The following NAV3 variants were observed in gnomAD, a reference collection of about 807,000 sequenced individuals.
The protein encoded by NAV3 is pore membrane and/or filament interacting like protein 1.
Under a neutral mutation model 244.7 loss-of-function variants are expected in NAV3, and 87 were observed. The observed-to-expected ratio is 0.36, with a 90% CI of 0.30 to 0.42. The LOEUF is 0.42. NAV3 is among the 20% of genes least tolerant of loss of function. NAV3 has a pLI of 1.00. For missense variants in NAV3, 2,663 were observed against 2,893.3 expected (o/e 0.92, Z 1.83); for synonymous variants, 1,126 against 1,042.2 (o/e 1.08, Z -1.55).
intron 2 of NAV3, among the ~76,000 whole-genome samples, chr12:77,621,475 C>CCTT (rs1565740502): frequency 3.5e-5 from 5 of 142,024 alleles, no homozygotes; most frequent in African/African-American, 1.4e-4. Flanking sequence ...TTTTTCTCTT[C>CCTT]TCTTTTTTTT....
At chr12:78,207,915 T>G (rs1222744673) in intron 39 of NAV3, among the ~76,000 whole-genome samples, 2 of 152,168 alleles carry the variant, frequency 1.3e-5, no homozygotes, top group Non-Finnish European at 2.9e-5. Flanking sequence ...GGATGGAATC[T>G]GGAAGCTTAG....
At chr12:77,761,087 T>G (rs903020706) in intron 2 of NAV3, among the ~76,000 whole-genome samples, 3 of 152,300 alleles carry the variant, frequency 2.0e-5, no homozygotes, top group East Asian at 1.9e-4. Context: ...AGATGGAGTC[T>G]CATGCCATCA....
chr12:77,588,536 C>T (rs1392417983), intron 2 of NAV3, among the ~76,000 whole-genome samples: 1 of 152,110 alleles, frequency 6.6e-6, no homozygotes, highest in African/African-American at 2.4e-5. Flanking sequence ...CACACCACAC[C>T]TGATGTTGCA....
chr12:77,918,052 C>A (rs183290281), intron 1 of NAV3, among the ~76,000 whole-genome samples: 1 of 152,050 alleles, frequency 6.6e-6, no homozygotes, highest in East Asian at 1.9e-4. Context: ...TTAAAAAAGT[C>A]CAAATTGAAT....
At chr12:77,787,531 A>G (rs1199755146) in intron 2 of NAV3, among the ~76,000 whole-genome samples, 28 of 152,158 alleles carry the variant, frequency 1.8e-4, no homozygotes, top group Admixed American at 1.8e-3. Context: ...TGAGTGCTGA[A>G]CAAAGGGGGA....
At chr12:77,962,800 G>C (rs1369291159) in intron 3 of NAV3, among the ~76,000 whole-genome samples, 1 of 152,108 alleles carries the variant, frequency 6.6e-6, no homozygotes, top group Non-Finnish European at 1.5e-5. Flanking sequence ...CAGTGCACTA[G>C]GAAGCATCAC....
intron 2 of NAV3, among the ~76,000 whole-genome samples, chr12:77,632,483 A>T (rs774828064): frequency 6.6e-6 from 1 of 152,060 alleles, no homozygotes; most frequent in Non-Finnish European, 1.5e-5. Context: ...TCTTTATAAA[A>T]CCATCAGATC....
At chr12:77,859,024 C>T (rs1878807905) in intron 1 of NAV3, among the ~76,000 whole-genome samples, 1 of 152,022 alleles carries the variant, frequency 6.6e-6, no homozygotes, top group South Asian at 2.1e-4. Flanking sequence ...TTCTAATTTA[C>T]TTTCACTGCA....
chr12:77,743,417 C>A (rs1868380044), intron 2 of NAV3, among the ~76,000 whole-genome samples: 1 of 151,640 alleles, frequency 6.6e-6, no homozygotes, highest in Admixed American at 6.6e-5. Context: ...AAACATATAC[C>A]TACATATGAC....
intron 2 of NAV3, among the ~76,000 whole-genome samples, chr12:77,752,920 G>T (rs1868935364): frequency 6.6e-6 from 1 of 152,078 alleles, no homozygotes; most frequent in Admixed American, 6.6e-5. Context: ...CAGGCTTTGG[G>T]CATTCTGGGT....
rs1872734467 is a variant in NAV3 at position 77,998,568 on chromosome 12, G to C, written c.880+92G>C. ...AATATTTGAGCAGCGTAACAACTTTGGGCCTAGAGATGTTATCAGTGGAGT... is the reference window on the plus strand; with the variant it reads ...AATATTTGAGCAGCGTAACAACTTTCGGCCTAGAGATGTTATCAGTGGAGT... On this transcript the variant is annotated intron_variant, in intron 7 of 39. Transcript: ENST00000397909. 3 of 1,378,900 alleles carry C rather than the reference G, an allele frequency of 2.2e-6. No homozygotes were observed. The East Asian group carries it at 7.5e-5, about 34-fold the overall frequency. 85.4% of individuals were successfully genotyped at this position (1,378,900 alleles called of 1,614,324 possible).
intron 38 of NAV3, among the ~76,000 whole-genome samples, chr12:78,204,220 G>A (rs938251343): frequency 1.3e-5 from 2 of 151,930 alleles, no homozygotes; most frequent in Non-Finnish European, 2.9e-5. Flanking sequence ...GGGGCGGAGG[G>A]GGGAGGGATA....
intron 5 of NAV3, among the ~76,000 whole-genome samples, chr12:77,971,416 G>A (rs938546820): frequency 2.6e-5 from 4 of 151,942 alleles, no homozygotes; most frequent in African/African-American, 9.7e-5. Flanking sequence ...CTTACTTTTA[G>A]AGAATTTTTA....
intron 1 of NAV3, among the ~76,000 whole-genome samples, chr12:77,934,709 C>T (rs1251268952): frequency 6.6e-6 from 1 of 152,166 alleles, no homozygotes; most frequent in African/African-American, 2.4e-5. Context: ...TGGTCTTCAA[C>T]ACAATTCCTG....
chr12:77,907,535 G>A (rs941812995), intron 1 of NAV3, among the ~76,000 whole-genome samples: 2 of 151,982 alleles, frequency 1.3e-5, no homozygotes, highest in African/African-American at 4.8e-5. Flanking sequence ...TCACATGAAT[G>A]GAAAAATGCA....
intron 12 of NAV3, among the ~76,000 whole-genome samples, chr12:78,068,597 TTA>T (rs1056723943): frequency 1.4e-5 from 2 of 147,414 alleles, no homozygotes; most frequent in African/African-American, 4.9e-5. Context: ...TTTTGTTCTT[TTA>T]TATATATTAT....
rs1303357805 is a variant in NAV3 at position 78,118,088 on chromosome 12, T to A, written c.2831T>A (p.Leu944Gln). The A allele has an allele frequency of 6.2e-7, 1 of 1,614,030 alleles. No individual in the cohort carries two copies. Among genetic ancestry groups the A allele is most frequent in the Non-Finnish European group, 8.5e-7 (1 of 1,179,982 alleles). Residue 944 changes from leucine to glutamine, a missense_variant, in exon 14 of 40, where the codon CTG becomes CAG. By Grantham distance (113) the Leu-to-Gln change is moderately radical (BLOSUM62 -2). Transcript: ENST00000397909. ...TDETWDSPEE[L>Q]KKPEEDFDSH... The stretch of plus-strand genomic sequence containing the variant: ...GAGACCTGGGATAGTCCTGAGGAAC[T>A]GAAAAAACCAGAAGAAGATTTTGAC...
In NAV3 at chr12:78,007,288, G is replaced by A. The variant is rs1566013132; in HGVS notation, c.1750G>A (p.Glu584Lys). The A allele has an allele frequency of 2.5e-6, 4 of 1,614,164 alleles. No individual in the cohort carries two copies. Among genetic ancestry groups the A allele is most frequent in the Non-Finnish European group, 3.4e-6 (4 of 1,180,020 alleles). The change falls in exon 8 of 40, where the codon GAA (glutamate) becomes AAA (lysine). Residue 584 changes from glutamate (E) to lysine (K), a missense_variant. Around this residue, in one of 6 missense-constraint regions of NAV3, gnomAD observed 1,521 missense variants for 1,497.0 expected, o/e 1.02. Coordinates refer to ENST00000397909, the MANE Select transcript of NAV3 (RefSeq NM_001024383.2). The part of the protein sequence containing the change: ...ASASSCPAPL[E>K]GREAGQASPS... ...TGCTTCTAGTTGTCCTGCCCCTTTGGAAGGAAGGGAAGCTGGCCAAGCTTC... is the reference window on the plus strand; with the variant it reads ...TGCTTCTAGTTGTCCTGCCCCTTTGAAAGGAAGGGAAGCTGGCCAAGCTTC...
At chr12:77,743,115 CA>C (rs1868370950) in intron 2 of NAV3, among the ~76,000 whole-genome samples, 1 of 151,890 alleles carries the variant, frequency 6.6e-6, no homozygotes, top group Admixed American at 6.6e-5. Context: ...TGTAAACAGA[CA>C]ATATAAACTT....
Sources: allele counts gnomAD v4.1 joint callset (sites outside exome capture counted in the v4.1 genomes callset), GRCh38; gene constraint gnomAD v4.1.1; regional missense constraint gnomAD v4.1.1; transcripts MANE v1.5; gene names NCBI Gene and HGNC (gene_info 2026-07-23, HGNC 2026-07-21).